NCKAP5: variants seen among roughly 807,000 people sequenced by gnomAD.
NCKAP5 encodes the protein NCK associated protein 5.
A neutral mutation model predicts 167.0 loss-of-function variants in NCKAP5; 92 were observed. That is an observed-to-expected ratio of 0.55 (90% confidence interval 0.47 to 0.66). The LOEUF (loss-of-function observed/expected upper bound fraction) is 0.66. Ranked by LOEUF, NCKAP5 falls within the 30% of genes least tolerant of loss-of-function variation. NCKAP5 has a pLI of 0.00. For missense variants in NCKAP5, 2,378 were observed against 2,315.0 expected (o/e 1.03, Z -0.56); for synonymous variants, 891 against 877.4 (o/e 1.02, Z -0.27).
intron 3 of NCKAP5, among the ~76,000 whole-genome samples, chr2:133,346,537 T>C (rs1057073778): frequency 6.6e-6 from 1 of 152,218 alleles, no homozygotes; most frequent in Non-Finnish European, 1.5e-5. Context: ...ATTAGTCTCA[T>C]AGCCTCTTAG....
chr2:133,602,340 T>A, the NCKAP5 span, among the ~76,000 whole-genome samples: 6 of 152,230 alleles, frequency 3.9e-5, no homozygotes, highest in Middle Eastern at 6.8e-3. Context: ...TGTTCTGGAA[T>A]GTGAGCAGTG....
rs1164874707 is a variant in NCKAP5 at position 132,785,412 on chromosome 2, T to C, written c.1399A>G (p.Thr467Ala). 1 of 1,613,824 alleles carries C rather than the reference T, an allele frequency of 6.2e-7. No individual in the cohort carries two copies. The highest frequency in any genetic ancestry group is 1.3e-5 in the African/African-American group (1 of 74,930). The change falls in exon 14 of 20, where the codon ACA becomes GCA. Residue 467 changes from threonine to alanine, a missense_variant. Around this residue, in one of 3 missense-constraint regions of NCKAP5, gnomAD observed 1,049 missense variants for 1,023.4 expected, o/e 1.02. Coordinates refer to ENST00000409261, the MANE Select transcript of NCKAP5 (RefSeq NM_207363.3). ...TGGGAATCTAGATCATAAACAAATG[T>C]CTTGTGGGGTTCCTTGCAGGGGCTC... ...LGSPCKEPHK[T>A]FVYDLDSHVD...
chr2:133,184,658 T>A lies in NCKAP5; in HGVS notation c.207+29058A>T, dbSNP rs533246023. On this transcript the variant is annotated intron_variant, in intron 5 of 19. Transcript: ENST00000409261. ...TTTTTGACTTTTAAATAGTAGCCATTCTGACTGGTGTGAGATGGTATCTTA... is the reference window on the plus strand; with the variant it reads ...TTTTTGACTTTTAAATAGTAGCCATACTGACTGGTGTGAGATGGTATCTTA... Among the ~76,000 whole-genome samples, 13 of 152,298 alleles carry A rather than the reference T, an allele frequency of 8.5e-5. 1 individual carries two copies. The South Asian group carries it at 2.7e-3, about 32-fold the overall frequency.
rs181427385 is a variant in NCKAP5, at chr2:133,024,483, T to C, written c.342-30244A>G. On this transcript the variant is annotated intron_variant, in intron 6 of 19. Coordinates refer to ENST00000409261, the MANE Select transcript of NCKAP5 (RefSeq NM_207363.3). ...GGCATTTTATTTAATTCTGAAAATT[T>C]AGAGTTAACATATCTTTCATTAAAG... Among the ~76,000 whole-genome samples the C allele has an allele frequency of 3.5e-3, 526 of 152,332 alleles. 1 individual carries two copies. The highest frequency in any genetic ancestry group is 6.1e-3 in the Non-Finnish European group (414 of 68,012).
At chr2:133,446,093 G>A (rs1691176950) in intron 3 of NCKAP5, among the ~76,000 whole-genome samples, 1 of 152,096 alleles carries the variant, frequency 6.6e-6, no homozygotes, top group African/African-American at 2.4e-5. Flanking sequence ...ACAACTGCAG[G>A]AGAAAACTAG....
intron 3 of NCKAP5, among the ~76,000 whole-genome samples, chr2:133,499,360 C>T (rs12618402): frequency 1.3e-5 from 2 of 152,204 alleles, no homozygotes; most frequent in East Asian, 3.9e-4. Flanking sequence ...CCAAGTCTTT[C>T]TGTCTCAGTC....
At chr2:133,369,172 C>T (rs1323927397) in intron 3 of NCKAP5, among the ~76,000 whole-genome samples, 1 of 152,240 alleles carries the variant, frequency 6.6e-6, no homozygotes, top group East Asian at 1.9e-4. Context: ...TCGAGGGAAT[C>T]ACGGGTGGGA....
At chr2:132,781,827 G>A (rs1683055983) in intron 14 of NCKAP5, 113 bp downstream of exon 14, 1 of 944,526 alleles carries the variant, frequency 1.1e-6, no homozygotes, top group South Asian at 1.8e-5. Context: ...ATTCATTTCT[G>A]CCTGTATGAA....
chr2:133,348,238 C>T (rs1056103537), intron 3 of NCKAP5, among the ~76,000 whole-genome samples: 1 of 152,100 alleles, frequency 6.6e-6, no homozygotes, highest in Middle Eastern at 3.2e-3. Context: ...CCTTCCATTG[C>T]TGAATTAAAA....
intron 6 of NCKAP5, among the ~76,000 whole-genome samples, chr2:133,049,516 G>A (rs527482274): frequency 2.1e-3 from 281 of 130,706 alleles, no homozygotes; most frequent in African/African-American, 7.6e-3. Flanking sequence ...ATGCACTCAA[G>A]CCTGGGCGAC....
At chr2:133,018,773 G>A (rs1215142022) in intron 6 of NCKAP5, among the ~76,000 whole-genome samples, 1 of 152,166 alleles carries the variant, frequency 6.6e-6, no homozygotes, top group Non-Finnish European at 1.5e-5. Context: ...TCAGAGGCAG[G>A]AGGAACACCA....
chr2:133,552,708 C>T (rs1298897921), intron 2 of NCKAP5, among the ~76,000 whole-genome samples: 1 of 141,144 alleles, frequency 7.1e-6, no homozygotes, highest in Non-Finnish European at 1.5e-5. Flanking sequence ...AACTAACCTG[C>T]ACAATGTGCA....
chr2:133,204,664 C>T (rs1028478178), intron 5 of NCKAP5, among the ~76,000 whole-genome samples: 1 of 152,152 alleles, frequency 6.6e-6, no homozygotes, highest in Non-Finnish European at 1.5e-5. Context: ...AGTGGGATTG[C>T]TGGGTCACAG....
Position 133,122,051 on chromosome 2 carries a change from A to T in NCKAP5, c.341+7927T>A, listed in dbSNP as rs2082267586. 2 of 152,222 alleles carry T rather than the reference A, an allele frequency of 1.3e-5. 1 individual carries two copies. The highest frequency in any genetic ancestry group is 4.1e-4 in the South Asian group (2 of 4,834). 9.4% of individuals were successfully genotyped at this position (152,222 alleles called of 1,614,324 possible). ...AGGCAAAACTATAAGGAGAGAAATA[A>T]GACTAGTAGTTACCAGGGGCTTGGG... On this transcript the variant is annotated intron_variant, in intron 6 of 19. Transcript: ENST00000409261.
chr2:133,197,270 C>T (rs906216025), intron 5 of NCKAP5, among the ~76,000 whole-genome samples: 7 of 152,012 alleles, frequency 4.6e-5, no homozygotes, highest in East Asian at 1.9e-4. Context: ...AGACCAGAGA[C>T]GAGATCACAC....
At chr2:132,846,141 G>C (rs1337253326) in intron 11 of NCKAP5, among the ~76,000 whole-genome samples, 1 of 152,084 alleles carries the variant, frequency 6.6e-6, no homozygotes, top group Non-Finnish European at 1.5e-5. Context: ...GTACCTTGGT[G>C]AACTTACTAG....
At chr2:133,082,992 A>G (rs1049399755) in intron 6 of NCKAP5, among the ~76,000 whole-genome samples, 3 of 152,114 alleles carry the variant, frequency 2.0e-5, no homozygotes, top group Admixed American at 6.6e-5. Context: ...GGCAGATGAG[A>G]ATCAGGAGAG....
intron 11 of NCKAP5, among the ~76,000 whole-genome samples, chr2:132,846,772 T>C (rs11887257): frequency 0.079 from 11,968 of 152,208 alleles, 944 homozygotes; most frequent in African/African-American, 0.19. Context: ...TTGTTTAAAG[T>C]CACACAACTT....
chr2:132,819,762 A>G (rs1455992828), intron 11 of NCKAP5, among the ~76,000 whole-genome samples: 2 of 152,204 alleles, frequency 1.3e-5, no homozygotes, highest in Non-Finnish European at 2.9e-5. Context: ...AGAAAAAGAT[A>G]AAGATAATTT....
Sources: gnomAD v4.1 joint callset for allele counts (sites outside exome capture counted in the v4.1 genomes callset) on GRCh38, gnomAD v4.1.1 for gene constraint, gnomAD v4.1.1 regional missense constraint, MANE v1.5 for transcripts, NCBI Gene and HGNC (gene_info 2026-07-23, HGNC 2026-07-21) for gene names.